ATP6V1B2: variants seen among roughly 807,000 people sequenced by gnomAD.
ATP6V1B2 encodes V-type proton ATPase subunit B, brain isoform.
Under a neutral mutation model 66.7 loss-of-function variants are expected in ATP6V1B2, and 23 were observed. The observed-to-expected ratio is 0.34, with a 90% CI of 0.25 to 0.49. The LOEUF is 0.49. Among genes scored for constraint, ATP6V1B2 ranks in the 20% least tolerant of loss-of-function variants. The pLI is 0.99. For synonymous variants in ATP6V1B2, 278 were observed against 236.7 expected, an observed-to-expected ratio of 1.17 and a Z score of -1.60; for missense variants, 478 against 650.8, an observed-to-expected ratio of 0.73 and a Z score of 2.89.
At chr8:20,204,444 G>A in intron 1 of ATP6V1B2, 40 bp from the exon 2 acceptor site, 1 of 1,564,964 alleles carries the variant, frequency 6.4e-7, no homozygotes, top group South Asian at 1.1e-5. Flanking sequence ...AAGCTTTTGT[G>A]CTATTTGACT....
In ATP6V1B2 at chr8:20,211,638, A is replaced by G. The variant is rs756827467; in HGVS notation, c.604-14A>G. ...TTTTAGATTTCAACTGAATTCTTCT[A>G]CTTTGTTCATCAGATTGCAGCTCAG... is the stretch of plus-strand genomic sequence containing the variant. On this transcript the variant is annotated splice_polypyrimidine_tract_variant and intron_variant, in intron 6 of 13. Coordinates refer to ENST00000276390, the MANE Select transcript of ATP6V1B2 (RefSeq NM_001693.4). 3.8e-6 allele frequency: 6 copies of G among 1,593,654 alleles called. No homozygotes were observed. Among genetic ancestry groups the G allele is most frequent in the South Asian group, 3.4e-5 (3 of 87,202 alleles).
At chr8:20,215,364 G>C (rs985865403) in intron 10 of ATP6V1B2, 7 of 153,282 alleles carry the variant, frequency 4.6e-5, no homozygotes, top group Non-Finnish European at 2.9e-5. Context: ...AGGAGTACAA[G>C]TGGGAAACTC....
intron 2 of ATP6V1B2, among the ~76,000 whole-genome samples, chr8:20,205,417 A>G (rs1036393244): frequency 6.6e-6 from 1 of 152,150 alleles, no homozygotes; most frequent in Non-Finnish European, 1.5e-5. Flanking sequence ...TATAGTATCA[A>G]TGTCTCATTG....
chr8:20,209,638 A>T, intron 3 of ATP6V1B2, 107 bp downstream of exon 3: 1 of 1,080,512 alleles, frequency 9.3e-7, no homozygotes, highest in African/African-American at 1.6e-5. Flanking sequence ...TAGAGTCTTT[A>T]GAGATTGGTT....
At chr8:20,214,628 A>T (rs1302882847) in intron 9 of ATP6V1B2, 190 bp from the exon 10 acceptor site, 1 of 567,248 alleles carries the variant, frequency 1.8e-6, no homozygotes, top group African/African-American at 1.9e-5. Flanking sequence ...CCCCATTGTC[A>T]ACATTTTTGT....
chr8:20,212,650 CT>C, intron 8 of ATP6V1B2, 131 bp from the exon 9 acceptor site: 1 of 1,287,222 alleles, frequency 7.8e-7, no homozygotes, highest in Non-Finnish European at 1.1e-6. Context: ...AAAATAACAA[CT>C]GCTTTACTCT....
At position 20,210,454 on chromosome 8, in the gene ATP6V1B2, T is replaced by C. The variant is rs375567392; in HGVS notation, c.385+15T>C. 11 of 1,611,086 alleles carry C rather than the reference T, an allele frequency of 6.8e-6. No homozygotes were observed. The African/African-American group carries it at 1.5e-4, about 22-fold the overall frequency. On this transcript the variant is annotated intron_variant, in intron 4 of 13. Transcript: ENST00000276390. ...GGATATGCTTGGTAAATGGATATTA[T>C]TCATTCTAAGCCGAGATCTGTTTCC... is the stretch of plus-strand genomic sequence containing the variant.
At position 20,218,218 on chromosome 8, in the gene ATP6V1B2, T is replaced by C; in HGVS notation, c.1332T>C (p.Leu444=). ...AAGCTGTCGTTGGAGAAGAAGCCCT[T>C]ACCTCAGATGATCTTCTCTACTTGG... is the stretch of plus-strand genomic sequence containing the variant. ...AMKAVVGEEA[L]TSDDLLYLEF... Residue 444 remains leucine, a synonymous_variant, in exon 13 of 14, where the codon CTT becomes CTC. Transcript: ENST00000276390. The C allele has an allele frequency of 1.2e-6, 2 of 1,613,486 alleles. No homozygotes were observed. Among genetic ancestry groups the C allele is most frequent in the East Asian group, 2.2e-5 (1 of 44,862 alleles).
intron 3 of ATP6V1B2, 121 bp downstream of exon 3, chr8:20,209,652 G>A (rs1049421700): frequency 3.3e-6 from 3 of 919,746 alleles, no homozygotes; most frequent in Non-Finnish European, 5.0e-6. Context: ...ATTGGTTACC[G>A]GCTGCAGGGA....
intron 6 of ATP6V1B2, 104 bp downstream of exon 6, chr8:20,211,420 C>T (rs2072792258): frequency 2.7e-6 from 4 of 1,460,700 alleles, no homozygotes; most frequent in Non-Finnish European, 2.8e-6. Flanking sequence ...AATAAATACT[C>T]AGTGTTATTG....
At chr8:20,218,433 G>C (rs1388960525) in intron 13 of ATP6V1B2, 151 bp downstream of exon 13, 2 of 1,013,730 alleles carry the variant, frequency 2.0e-6, no homozygotes, top group East Asian at 2.9e-5. Context: ...TAACCCTCTG[G>C]CTTCTCCTCT....
chr8:20,212,857 A>G lies in ATP6V1B2; in HGVS notation c.879A>G (p.Val293=), dbSNP rs758624917. ...TGGCGTACCAATGTGAGAAACATGT[A>G]TTGGTTATTCTAACAGACATGAGTT... ...EFLAYQCEKH[V]LVILTDMSSY... is the part of the protein sequence containing the mutation. The change falls in exon 9 of 14, where the codon GTA becomes GTG. Residue 293 remains valine (V), a synonymous_variant. Transcript: ENST00000276390. 1 of 1,613,830 alleles carries G rather than the reference A, an allele frequency of 6.2e-7. No homozygotes were observed. The highest frequency in any genetic ancestry group is 8.5e-7 in the Non-Finnish European group (1 of 1,179,786).
rs191835862 is a variant in ATP6V1B2 at position 20,198,657 on chromosome 8, C to G, written c.136+1115C>G. 1.1e-4 allele frequency among the ~76,000 whole-genome samples: 16 copies of G among 152,146 alleles called. No homozygotes were observed. In the East Asian group the frequency reaches 2.7e-3, roughly 26 times the overall value. On this transcript the variant is annotated intron_variant, in intron 1 of 13. Transcript: ENST00000276390. ...GCCAGAGTGTCTGTCTCTAGGTGGC[C>G]GACTGATTAAAAAGGATTTCAGATG...
intron 12 of ATP6V1B2, among the ~76,000 whole-genome samples, chr8:20,217,695 A>G (rs1292063890): frequency 6.6e-6 from 1 of 152,220 alleles, no homozygotes; most frequent in Middle Eastern, 3.2e-3. Context: ...ACTAAAGTAT[A>G]CAGTTTTATG....
In ATP6V1B2 at chr8:20,218,378, A is replaced by C. The variant is rs967049598; in HGVS notation, c.1396+96A>C. The C allele has an allele frequency of 4.6e-5, 68 of 1,488,976 alleles. No individual in the cohort carries two copies. In the African/African-American group the frequency reaches 8.3e-4, roughly 18 times the overall value. 92.2% of individuals were successfully genotyped at this position (1,488,976 alleles called of 1,614,324 possible). On this transcript the variant is annotated intron_variant, in intron 13 of 13. Transcript: ENST00000276390. The stretch of plus-strand genomic sequence containing the variant: ...AGAAAATTCTCATTGGTTTCTATAT[A>C]GTTATTTCTCTGGTTAGAGAAGAGG...
intron 3 of ATP6V1B2, 129 bp from the exon 4 acceptor site, chr8:20,210,203 ATCATATTTCTTTGC>A (rs2072779297): frequency 6.1e-6 from 4 of 651,878 alleles, no homozygotes. Context: ...TTGATTTATT[ATCATATTTCTTTGC>A]TCATTATATC....
intron 4 of ATP6V1B2, 27 bp downstream of exon 4, chr8:20,210,466 C>T (rs753647026): frequency 2.6e-5 from 42 of 1,607,634 alleles, no homozygotes; most frequent in South Asian, 8.8e-5. Context: ...CATTCTAAGC[C>T]GAGATCTGTT....
chr8:20,208,815 C>G (rs1261342694), intron 2 of ATP6V1B2, among the ~76,000 whole-genome samples: 4 of 150,678 alleles, frequency 2.7e-5, no homozygotes, highest in Middle Eastern at 3.4e-3. Context: ...TCAAGCAGTT[C>G]TGCCCCAGAC....
chr8:20,217,066 G>T, intron 11 of ATP6V1B2, 154 bp from the exon 12 acceptor site: 1 of 632,486 alleles, frequency 1.6e-6, no homozygotes, highest in Non-Finnish European at 2.7e-6. Context: ...ACCTTTTCTT[G>T]CCAGGAAGAG....
Sources: allele counts gnomAD v4.1 joint callset (sites outside exome capture counted in the v4.1 genomes callset), GRCh38; gene constraint gnomAD v4.1.1; transcripts MANE v1.5; gene names NCBI Gene and HGNC (gene_info 2026-07-23, HGNC 2026-07-21).